ANKRD22: variants seen among roughly 807,000 people sequenced by gnomAD.
The protein encoded by ANKRD22 is ankyrin repeat domain-containing protein 22.
A neutral mutation model predicts 25.7 loss-of-function variants in ANKRD22; 24 were observed. That is an observed-to-expected ratio of 0.93 (90% CI 0.68 to 1.31). ANKRD22 has a LOEUF of 1.31. Among genes scored for constraint, ANKRD22 ranks in the 50% most tolerant of loss-of-function variants. The pLI is 0.00. For missense variants in ANKRD22, 214 were observed against 227.1 expected, an observed-to-expected ratio of 0.94 and a Z score of 0.37; for synonymous variants, 84 against 84.3, an observed-to-expected ratio of 1.00 and a Z score of 0.02.
chr10:88,847,853 T>G (rs969202878), intron 1 of ANKRD22, among the ~76,000 whole-genome samples: 2 of 152,058 alleles, frequency 1.3e-5, no homozygotes, highest in Non-Finnish European at 2.9e-5. Flanking sequence ...GCAAATCTGC[T>G]ATAGGCTCAT....
chr10:88,825,003 T>A lies in ANKRD22; in HGVS notation c.399+1035A>T, dbSNP rs371635104. Among the ~76,000 whole-genome samples the A allele has an allele frequency of 0.026, 2,404 of 91,046 alleles. 74 individuals carry two copies. In the East Asian group the frequency reaches 0.28, roughly 10 times the overall value. 59.7% of individuals were successfully genotyped at this position (91,046 alleles called of 152,430 possible). A position where few individuals can be genotyped will look rare whatever the true frequency, so the allele number is the denominator to read the frequency against. ...TTCTTTTGCTCTCTCTCTCTCTCTC[T>A]CTCTCTCTCACACACACACACACAC... On this transcript the variant is annotated intron_variant, in intron 4 of 5. Transcript: ENST00000371930.
intron 1 of ANKRD22, among the ~76,000 whole-genome samples, chr10:88,834,062 C>G (rs1485348434): frequency 6.6e-6 from 1 of 152,196 alleles, no homozygotes; most frequent in Non-Finnish European, 1.5e-5. Flanking sequence ...TAGTCTCAAC[C>G]AACAAATCTT....
chr10:88,832,934 C>T (rs1055532339), intron 1 of ANKRD22, among the ~76,000 whole-genome samples: 1 of 152,188 alleles, frequency 6.6e-6, no homozygotes, highest in African/African-American at 2.4e-5. Flanking sequence ...AAACACACCA[C>T]CTGCCTTTCT....
rs1302262181 is a variant in ANKRD22, at chr10:88,826,067, C to T, written c.370G>A (p.Ala124Thr). 1.2e-6 allele frequency: 2 copies of T among 1,612,750 alleles called. No homozygotes were observed. Among genetic ancestry groups the T allele is most frequent in the Admixed American group, 1.7e-5 (1 of 59,848 alleles). The change falls in exon 4 of 6, where the codon GCT (alanine) becomes ACT (threonine). Residue 124 changes from alanine to threonine, a missense_variant. Physicochemically the swap from Ala to Thr is moderately conservative, Grantham distance 58. Coordinates refer to ENST00000371930, the MANE Select transcript of ANKRD22 (RefSeq NM_144590.3). ...TCTGTAGCATTAACTTCGACGCCAG[C>T]ATCAAGTAGCATTCGTACAAGAGCC... ...NEALVRMLLD[A>T]GVEVNATDCY...
chr10:88,845,199 C>CTCCT (rs1352241614), intron 1 of ANKRD22, among the ~76,000 whole-genome samples: 5 of 152,064 alleles, frequency 3.3e-5, no homozygotes, highest in African/African-American at 1.2e-4. Flanking sequence ...CCCAGAAAAT[C>CTCCT]TCCTGTTTGA....
At chr10:88,837,447 G>A (rs1023904011) in intron 1 of ANKRD22, among the ~76,000 whole-genome samples, 10 of 152,066 alleles carry the variant, frequency 6.6e-5, no homozygotes, top group African/African-American at 2.4e-4. Context: ...AGAGATGATA[G>A]GATAGAGAGC....
intron 1 of ANKRD22, among the ~76,000 whole-genome samples, chr10:88,844,854 A>G (rs566278669): frequency 6.6e-6 from 1 of 152,090 alleles, no homozygotes; most frequent in East Asian, 1.9e-4. Flanking sequence ...AAAATGACTT[A>G]TTTTTCCCCT....
At chr10:88,825,689 G>T (rs931579488) in intron 4 of ANKRD22, among the ~76,000 whole-genome samples, 2 of 152,196 alleles carry the variant, frequency 1.3e-5, no homozygotes, top group African/African-American at 4.8e-5. Flanking sequence ...ACTCATAGAA[G>T]TAAAAAGTGG....
At chr10:88,843,176 C>T (rs933291139) in intron 1 of ANKRD22, among the ~76,000 whole-genome samples, 1 of 152,110 alleles carries the variant, frequency 6.6e-6, no homozygotes, top group African/African-American at 2.4e-5. Context: ...TGCCTGCCAT[C>T]TACTTCACCT....
chr10:88,822,852 G>C lies in ANKRD22; in HGVS notation c.*89C>G. 1 of 1,212,398 alleles carries C rather than the reference G, an allele frequency of 8.2e-7. No individual in the cohort carries two copies. The highest frequency in any genetic ancestry group is 1.9e-5 in the Admixed American group (1 of 52,820). 75.1% of individuals were successfully genotyped at this position (1,212,398 alleles called of 1,614,324 possible). On this transcript the variant is annotated 3_prime_UTR_variant, in exon 6 of 6. Coordinates refer to ENST00000371930, the MANE Select transcript of ANKRD22 (RefSeq NM_144590.3). ...ATCCCCATAAAATGGTGGCATCCAG[G>C]TTAAATGGCCCACAGACCAAAAGTC... is the stretch of plus-strand genomic sequence containing the variant.
At chr10:88,832,065 GC>G (rs1213708538) in intron 1 of ANKRD22, 39 bp from the exon 2 acceptor site, 1 of 1,541,468 alleles carries the variant, frequency 6.5e-7, no homozygotes, top group Non-Finnish European at 8.7e-7. Context: ...TGAAATACTG[GC>G]ATAATTAAAC....
At chr10:88,832,062 C>A in intron 1 of ANKRD22, 36 bp from the exon 2 acceptor site, 2 of 1,562,192 alleles carry the variant, frequency 1.3e-6, no homozygotes, top group South Asian at 1.2e-5. Flanking sequence ...TTTTGAAATA[C>A]TGGCATAATT....
chr10:88,835,870 G>A (rs1330866493), intron 1 of ANKRD22, among the ~76,000 whole-genome samples: 1 of 152,146 alleles, frequency 6.6e-6, no homozygotes, highest in South Asian at 2.1e-4. Context: ...GAAAGTGCTG[G>A]TTCACAAGCC....
intron 1 of ANKRD22, among the ~76,000 whole-genome samples, chr10:88,832,501 C>CAAAATGTCTTTATCTTTACTAAAGAT (rs1564604155): frequency 6.9e-6 from 1 of 145,326 alleles, no homozygotes; most frequent in African/African-American, 2.7e-5. Flanking sequence ...TTAGTAAAGA[C>CAAAATGTCTTTATCTTTACTAAAGAT]AAAATGTCTT....
In ANKRD22 at chr10:88,831,993, C is replaced by G. The variant is rs1564603946; in HGVS notation, c.55G>C (p.Gly19Arg). Residue 19 changes from glycine (G) to arginine (R), a missense_variant, in exon 2 of 6, where the codon GGA (glycine) becomes CGA (arginine). Coordinates refer to ENST00000371930, the MANE Select transcript of ANKRD22 (RefSeq NM_144590.3). ...ICQAAYQNDFGQVWRWVKEDS... is the reference protein window; with the variant it reads ...ICQAAYQNDFRQVWRWVKEDS... ...TCTTTCACCCACCGCCACACTTGTC[C>G]AAAGTCATTCTGATAGGCTGCTTGG... is the stretch of plus-strand genomic sequence containing the variant. The G allele has an allele frequency of 1.9e-6, 3 of 1,612,852 alleles. No homozygotes were observed. In the South Asian group the frequency reaches 3.3e-5, roughly 18 times the overall value.
chr10:88,832,834 T>C (rs1843920015), intron 1 of ANKRD22, among the ~76,000 whole-genome samples: 1 of 152,186 alleles, frequency 6.6e-6, no homozygotes, highest in Non-Finnish European at 1.5e-5. Flanking sequence ...CTCCAGCCTT[T>C]CTCGACTTCT....
At chr10:88,831,709 G>T in intron 2 of ANKRD22, 126 bp downstream of exon 2, 1 of 945,414 alleles carries the variant, frequency 1.1e-6, no homozygotes, top group Non-Finnish European at 1.5e-6. Context: ...TCTAAAGTAG[G>T]CTAAGATAAT....
At chr10:88,836,282 T>A (rs1843953642) in intron 1 of ANKRD22, among the ~76,000 whole-genome samples, 1 of 152,216 alleles carries the variant, frequency 6.6e-6, no homozygotes, top group Non-Finnish European at 1.5e-5. Context: ...CTACATTTTG[T>A]CTGTACTGAT....
chr10:88,830,201 G>A (rs1252218291), intron 2 of ANKRD22, among the ~76,000 whole-genome samples: 1 of 152,142 alleles, frequency 6.6e-6, no homozygotes, highest in East Asian at 1.9e-4. Context: ...TCTAAAAATA[G>A]AATTCCTGGC....
Sources: gnomAD v4.1 joint callset for allele counts (sites outside exome capture counted in the v4.1 genomes callset) on GRCh38, gnomAD v4.1.1 for gene constraint, MANE v1.5 for transcripts, NCBI Gene and HGNC (gene_info 2026-07-23, HGNC 2026-07-21) for gene names.